TRAPPC12: variants seen among roughly 807,000 people sequenced by gnomAD.
TRAPPC12 encodes the protein trafficking protein particle complex subunit 12.
In TRAPPC12, 61 loss-of-function variants were observed where a neutral mutation model predicts 69.2. The observed-to-expected ratio is 0.88, with a 90% CI of 0.72 to 1.09. The LOEUF is 1.09. TRAPPC12 is among the 50% of genes least tolerant of loss of function. The probability of loss-of-function intolerance (pLI) is 0.00; values close to 1 mark genes in which losing one functional copy is unlikely to be tolerated. For synonymous variants in TRAPPC12, 469 were observed against 438.9 expected (o/e 1.07, Z -0.86); for missense variants, 1,101 against 1,016.4 (o/e 1.08, Z -1.13).
At chr2:3,404,885 C>T (rs750421953) in intron 3 of TRAPPC12, among the ~76,000 whole-genome samples, 46 of 116,560 alleles carry the variant, frequency 3.9e-4, no homozygotes, top group Non-Finnish European at 5.6e-4. Context: ...GGGGCGGTTA[C>T]GGGGGAGGGG....
Position 3,463,445 on chromosome 2 carries a change from G to T in TRAPPC12, c.1678-2152G>T, listed in dbSNP as rs114596445. 2.2e-3 allele frequency among the ~76,000 whole-genome samples: 339 copies of T among 151,740 alleles called. 5 individuals carry two copies. The highest frequency in any genetic ancestry group is 3.5e-3 in the African/African-American group (145 of 41,328). ...CTCTGCCGCGCCTGCCCCCGGCCTG[G>T]AATCCAGCTTCCTCTCACACGGCTC... On this transcript the variant is annotated intron_variant, in intron 8 of 11. Coordinates refer to ENST00000324266, the MANE Select transcript of TRAPPC12 (RefSeq NM_016030.6).
chr2:3,435,360 A>G (rs1392624567), intron 5 of TRAPPC12, among the ~76,000 whole-genome samples: 1 of 152,208 alleles, frequency 6.6e-6, no homozygotes, highest in African/African-American at 2.4e-5. Flanking sequence ...TGGCTCATTA[A>G]CATTTTTTTA....
intron 3 of TRAPPC12, among the ~76,000 whole-genome samples, chr2:3,413,648 C>T (rs991402308): frequency 3.9e-5 from 6 of 151,998 alleles, no homozygotes; most frequent in African/African-American, 7.3e-5. Flanking sequence ...TAAAAAAAGA[C>T]GACAAGGATG....
At chr2:3,391,325 A>C (rs1041726914) in intron 2 of TRAPPC12, among the ~76,000 whole-genome samples, 3 of 152,196 alleles carry the variant, frequency 2.0e-5, no homozygotes, top group Admixed American at 2.0e-4. Context: ...TCACTCCTGA[A>C]CACAAATAGG....
At chr2:3,463,546 G>C (rs934457575) in intron 8 of TRAPPC12, among the ~76,000 whole-genome samples, 2 of 150,278 alleles carry the variant, frequency 1.3e-5, no homozygotes, top group East Asian at 3.9e-4. Flanking sequence ...GCTTGGTTTC[G>C]TAAAAACCTG....
Position 3,457,708 on chromosome 2 carries a change from C to T in TRAPPC12, c.1603+15C>T, listed in dbSNP as rs199861853. On this transcript the variant is annotated intron_variant, in intron 7 of 11. Coordinates refer to ENST00000324266, the MANE Select transcript of TRAPPC12 (RefSeq NM_016030.6). ...GGGCAGACAAGGTGGGTCGGCCGGACTTTGCTGACTAGATGCTTCTCGGAC... is the reference window on the plus strand; with the variant it reads ...GGGCAGACAAGGTGGGTCGGCCGGATTTTGCTGACTAGATGCTTCTCGGAC... The T allele has an allele frequency of 9.9e-6, 16 of 1,608,066 alleles. No individual in the cohort carries two copies. The highest frequency in any genetic ancestry group is 2.7e-5 in the African/African-American group (2 of 74,908).
chr2:3,396,996 A>G (rs562762575), intron 2 of TRAPPC12, among the ~76,000 whole-genome samples: 2 of 152,302 alleles, frequency 1.3e-5, no homozygotes, highest in South Asian at 4.1e-4. Flanking sequence ...AAAAAAAAGG[A>G]AAGAAAGAAA....
intron 2 of TRAPPC12, among the ~76,000 whole-genome samples, chr2:3,397,906 T>C (rs1383631371): frequency 6.6e-6 from 1 of 152,182 alleles, no homozygotes; most frequent in African/African-American, 2.4e-5. Context: ...ATTCTCCTCC[T>C]GCAATGTGGT....
At chr2:3,434,645 A>G (rs547515047) in intron 5 of TRAPPC12, among the ~76,000 whole-genome samples, 1 of 152,316 alleles carries the variant, frequency 6.6e-6, no homozygotes, top group African/African-American at 2.4e-5. Flanking sequence ...CCCAGCTTTT[A>G]GGTTCCCATT....
intron 6 of TRAPPC12, chr2:3,457,154 A>G (rs1368183063): frequency 2.2e-6 from 1 of 462,648 alleles, no homozygotes. Context: ...TTGCAGCAAC[A>G]TGGATACAGC....
intron 3 of TRAPPC12, among the ~76,000 whole-genome samples, chr2:3,412,204 C>T (rs1329020159): frequency 1.3e-5 from 2 of 152,048 alleles, no homozygotes; most frequent in Non-Finnish European, 2.9e-5. Flanking sequence ...CCCCAAGGAG[C>T]TAAAGGAGAA....
chr2:3,422,425 AAAAAAAG>A (rs1312909701), intron 4 of TRAPPC12, among the ~76,000 whole-genome samples: 3 of 152,218 alleles, frequency 2.0e-5, no homozygotes, highest in African/African-American at 7.2e-5. Context: ...TGAAATTTAA[AAAAAAAG>A]AAAAAAGAAA....
chr2:3,436,718 C>G (rs1376973859), intron 5 of TRAPPC12, among the ~76,000 whole-genome samples: 1 of 151,180 alleles, frequency 6.6e-6, no homozygotes, highest in Non-Finnish European at 1.5e-5. Flanking sequence ...GTGTATTAAT[C>G]CCCCCACCAC....
chr2:3,419,440 T>C (rs1295677671), intron 3 of TRAPPC12, among the ~76,000 whole-genome samples: 1 of 152,184 alleles, frequency 6.6e-6, no homozygotes, highest in Admixed American at 6.5e-5. Context: ...GTAACCAATC[T>C]AAAAATACTT....
At chr2:3,400,896 A>G (rs1463917833) in intron 2 of TRAPPC12, among the ~76,000 whole-genome samples, 1 of 152,186 alleles carries the variant, frequency 6.6e-6, no homozygotes, top group Non-Finnish European at 1.5e-5. Flanking sequence ...AGGGCAGGTC[A>G]TTGGCACATC....
chr2:3,389,917 G>A, intron 2 of TRAPPC12: 18 of 412,068 alleles, frequency 4.4e-5, no homozygotes, highest in South Asian at 3.2e-4. Context: ...GCTCAGAATG[G>A]AGGGGTGCAT....
At chr2:3,429,506 C>T (rs558940972) in intron 5 of TRAPPC12, among the ~76,000 whole-genome samples, 3 of 152,318 alleles carry the variant, frequency 2.0e-5, no homozygotes, top group Non-Finnish European at 2.9e-5. Flanking sequence ...TTCCTATTCG[C>T]GTTTCTCTGA....
chr2:3,447,515 TC>T (rs1664577758), intron 6 of TRAPPC12, among the ~76,000 whole-genome samples: 1 of 151,872 alleles, frequency 6.6e-6, no homozygotes, highest in African/African-American at 2.4e-5. Flanking sequence ...GACAATCAGA[TC>T]CCAAGGTAAC....
rs535202441 is a variant in TRAPPC12 at position 3,475,799 on chromosome 2, C to T, written c.1777-1896C>T. ...GAAAATTGTCTCATCTTTCCAAGCC[C>T]GACGACTTCATCTAGAAAGCGAAGC... On this transcript the variant is annotated intron_variant, in intron 9 of 11. Transcript: ENST00000324266. Among the ~76,000 whole-genome samples the T allele has an allele frequency of 1.2e-4, 19 of 152,306 alleles. No individual in the cohort carries two copies. In the South Asian group the frequency reaches 3.5e-3, roughly 28 times the overall value.
Sources: allele counts gnomAD v4.1 joint callset (sites outside exome capture counted in the v4.1 genomes callset), GRCh38; gene constraint gnomAD v4.1.1; transcripts MANE v1.5; gene names NCBI Gene and HGNC (gene_info 2026-07-23, HGNC 2026-07-21).